SLC4A7: variants seen among roughly 807,000 people sequenced by gnomAD.
The protein encoded by SLC4A7 is sodium bicarbonate cotransporter 3.
A neutral mutation model predicts 137.6 loss-of-function variants in SLC4A7; 51 were observed. That is an observed-to-expected ratio of 0.37 (90% confidence interval 0.30 to 0.47). SLC4A7 has a LOEUF of 0.47. Ranked by LOEUF, SLC4A7 falls within the 20% of genes least tolerant of loss-of-function variation. The pLI is 1.00. For missense variants in SLC4A7, 1,247 were observed against 1,525.4 expected, an observed-to-expected ratio of 0.82 and a Z score of 3.04; for synonymous variants, 542 against 518.6, an observed-to-expected ratio of 1.05 and a Z score of -0.61.
At chr3:27,381,219 T>C (rs948255742) in intron 24 of SLC4A7, among the ~76,000 whole-genome samples, 4 of 152,196 alleles carry the variant, frequency 2.6e-5, no homozygotes, top group African/African-American at 9.7e-5. Flanking sequence ...CAGATATCCA[T>C]CTTTTTCTTT....
At chr3:27,399,020 A>C (rs1255924762) in intron 16 of SLC4A7, among the ~76,000 whole-genome samples, 1 of 152,120 alleles carries the variant, frequency 6.6e-6, no homozygotes, top group African/African-American at 2.4e-5. Flanking sequence ...AAAAAAAAAA[A>C]AACTGAAAGG....
At chr3:27,464,322 T>C (rs2058857283) in intron 1 of SLC4A7, among the ~76,000 whole-genome samples, 1 of 152,226 alleles carries the variant, frequency 6.6e-6, no homozygotes, top group African/African-American at 2.4e-5. Context: ...CTAGAGAGAT[T>C]AAAGATCTAT....
rs1218494480 is a variant in SLC4A7 at position 27,434,028 on chromosome 3, C to T, written c.666G>A (p.Leu222=). 3.7e-6 allele frequency: 6 copies of T among 1,613,798 alleles called. No individual in the cohort carries two copies. The highest frequency in any genetic ancestry group is 1.7e-5 in the Admixed American group (1 of 60,002). The change falls in exon 6 of 26, where the codon CTG becomes CTA. Residue 222 remains leucine, a synonymous_variant. Transcript: ENST00000454389. Reference sequence around the variant, plus strand: ...TCTCATTCTGATGATGATGTCTCTTCAGAAGAGCTTCTCTGACATTCTCTC... The same window carrying T: ...TCTCATTCTGATGATGATGTCTCTTTAGAAGAGCTTCTCTGACATTCTCTC... The part of the protein sequence containing the change: ...SIRENVREAL[L]KRHHHQNEKR...
At chr3:27,409,128 A>G (rs1262647723) in intron 13 of SLC4A7, among the ~76,000 whole-genome samples, 2 of 152,198 alleles carry the variant, frequency 1.3e-5, no homozygotes, top group African/African-American at 4.8e-5. Context: ...CCAGCAAGCC[A>G]AAGTAAACTT....
rs762150685 is a variant in SLC4A7, at chr3:27,433,909, A to G, written c.778+7T>C. The G allele has an allele frequency of 5.0e-6, 8 of 1,613,264 alleles. No homozygotes were observed. In the Admixed American group the frequency reaches 1.3e-4, roughly 27 times the overall value. On this transcript the variant is annotated splice_region_variant and intron_variant, in intron 6 of 25. Transcript: ENST00000454389. ...TAGCAAAAATTGGATGCCACAACTT[A>G]TCTCACCATTCCTTTCAAGCAAGTG...
At chr3:27,460,752 A>G (rs1263746656) in intron 1 of SLC4A7, among the ~76,000 whole-genome samples, 1 of 152,174 alleles carries the variant, frequency 6.6e-6, no homozygotes, top group Non-Finnish European at 1.5e-5. Flanking sequence ...ATTTTACTCG[A>G]TACGTATTTT....
chr3:27,405,127 C>T (rs987979090), intron 13 of SLC4A7, among the ~76,000 whole-genome samples, 164 bp from the exon 14 acceptor site: 1 of 152,128 alleles, frequency 6.6e-6, no homozygotes, highest in East Asian at 1.9e-4. Flanking sequence ...ATTACAAATA[C>T]ATTTTAAATA....
In SLC4A7 at chr3:27,484,203, G is replaced by A. The variant is rs998846229; in HGVS notation, c.-77C>T. 4.8e-5 allele frequency: 56 copies of A among 1,157,070 alleles called. No homozygotes were observed. The East Asian group carries it at 1.8e-3, about 38-fold the overall frequency. The allele number at this position is 1,157,070 out of a possible 1,614,324, so 71.7% of individuals were successfully genotyped here. A position where few individuals can be genotyped will look rare whatever the true frequency, so the allele number is the denominator to read the frequency against. The stretch of plus-strand genomic sequence containing the variant: ...GCCTGCTTCTGCCGCTGCCCCTGCC[G>A]CCGCCGCCGAGCCCCCGGCGCGCGA... On this transcript the variant is annotated 5_prime_UTR_variant, in exon 1 of 26. Transcript: ENST00000454389.
Position 27,390,057 on chromosome 3 carries a change from A to G in SLC4A7, c.3234T>C (p.Pro1078=). 1.2e-6 allele frequency: 2 copies of G among 1,611,480 alleles called. No individual in the cohort carries two copies. The highest frequency in any genetic ancestry group is 2.2e-5 in the East Asian group (1 of 44,816). Residue 1078 remains proline (P), a synonymous_variant, in exon 22 of 26, where the codon CCT becomes CCC. Coordinates refer to ENST00000454389, the MANE Select transcript of SLC4A7 (RefSeq NM_001321103.2). ...GCACATAACGGAGGTATATCAAATCAGGCTGATGCTTAGCAGGCATTCCAA... is the reference window on the plus strand; with the variant it reads ...GCACATAACGGAGGTATATCAAATCGGGCTGATGCTTAGCAGGCATTCCAA... The part of the protein sequence containing the change: ...KLFGMPAKHQ[P]DLIYLRYVPL...
At chr3:27,449,611 C>T (rs901643612) in intron 2 of SLC4A7, among the ~76,000 whole-genome samples, 3 of 152,022 alleles carry the variant, frequency 2.0e-5, no homozygotes, top group African/African-American at 7.2e-5. Flanking sequence ...GCTGATATTG[C>T]ATTATCCTAA....
At chr3:27,473,579 G>A (rs1013774458) in intron 1 of SLC4A7, among the ~76,000 whole-genome samples, 5 of 151,278 alleles carry the variant, frequency 3.3e-5, no homozygotes, top group South Asian at 4.2e-4. Flanking sequence ...GTGGTGGTGC[G>A]TGCCTGTAGT....
At position 27,395,399 on chromosome 3, in the gene SLC4A7, G is replaced by A. The variant is rs1196628459; in HGVS notation, c.2704-284C>T. Among the ~76,000 whole-genome samples, 8 of 152,254 alleles carry A rather than the reference G, an allele frequency of 5.3e-5. No individual in the cohort carries two copies. In the East Asian group the frequency reaches 1.5e-3, roughly 29 times the overall value. On this transcript the variant is annotated intron_variant, in intron 18 of 25. Coordinates refer to ENST00000454389, the MANE Select transcript of SLC4A7 (RefSeq NM_001321103.2). ...ACCCTGTGACTTACTTTAACCCACA[G>A]AATAAGGCCAAAGTGACACTATGTG... is the stretch of plus-strand genomic sequence containing the variant.
Position 27,404,810 on chromosome 3 carries a change from TAGAG to T in SLC4A7, c.2075+16_2075+19del. The T allele has an allele frequency of 6.4e-7, 1 of 1,553,128 alleles. No individual in the cohort carries two copies. ...TTTCATATATAACACATGTGATAAG[TAGAG>T]AGGGCTATTACTTACCTGCAGAATT... On this transcript the variant is annotated intron_variant, in intron 14 of 25. Transcript: ENST00000454389.
At chr3:27,384,018 C>A (rs955561396) in intron 23 of SLC4A7, among the ~76,000 whole-genome samples, 3 of 152,190 alleles carry the variant, frequency 2.0e-5, no homozygotes, top group Non-Finnish European at 2.9e-5. Flanking sequence ...TTGAGACCAA[C>A]TTGGACAGTG....
intron 1 of SLC4A7, among the ~76,000 whole-genome samples, chr3:27,460,341 T>C (rs1347527177): frequency 6.6e-6 from 1 of 152,182 alleles, no homozygotes; most frequent in Non-Finnish European, 1.5e-5. Context: ...GGGCCTATAT[T>C]TTTTTGTATC....
chr3:27,449,764 G>T (rs138349003), intron 2 of SLC4A7, among the ~76,000 whole-genome samples: 151 of 152,272 alleles, frequency 9.9e-4, no homozygotes, highest in African/African-American at 3.6e-3. Context: ...TGAAGTACAA[G>T]GTCAACTAAT....
intron 12 of SLC4A7, among the ~76,000 whole-genome samples, 195 bp downstream of exon 12, chr3:27,411,447 C>T (rs2053890188): frequency 6.6e-6 from 1 of 151,404 alleles, no homozygotes; most frequent in Non-Finnish European, 1.5e-5. Context: ...AAGCTTGATA[C>T]ATACTATTAA....
intron 13 of SLC4A7, among the ~76,000 whole-genome samples, chr3:27,406,759 G>A (rs777636995): frequency 2.0e-5 from 3 of 151,892 alleles, no homozygotes; most frequent in African/African-American, 4.8e-5. Context: ...GCAAAAGCTG[G>A]TCTCTACAAA....
At chr3:27,483,645 GAT>G (rs1267871563) in intron 1 of SLC4A7, among the ~76,000 whole-genome samples, 2 of 152,248 alleles carry the variant, frequency 1.3e-5, no homozygotes, top group Non-Finnish European at 2.9e-5. Flanking sequence ...GGAGAAGAAA[GAT>G]AGGTTTTCGA....
Sources: gnomAD v4.1 joint callset for allele counts (sites outside exome capture counted in the v4.1 genomes callset) on GRCh38, gnomAD v4.1.1 for gene constraint, MANE v1.5 for transcripts, NCBI Gene and HGNC (gene_info 2026-07-23, HGNC 2026-07-21) for gene names.